The following VPS50 variants were observed in gnomAD, a reference collection of about 807,000 sequenced individuals.
VPS50 encodes the protein VPS50 subunit of EARP/GARPII complex, also known as syndetin.
VPS50 carries 70 observed loss-of-function variants against 139.7 expected under a neutral mutation model. The observed-to-expected ratio is 0.50, with a 90% CI of 0.41 to 0.61. VPS50 has a LOEUF of 0.61. Ranked by LOEUF, VPS50 falls within the 20% of genes least tolerant of loss-of-function variation. The pLI is 0.00. For missense variants in VPS50, 921 were observed against 1,133.7 expected (o/e 0.81, Z 2.69); for synonymous variants, 365 against 376.7 (o/e 0.97, Z 0.36).
At chr7:93,306,034 T>A in intron 18 of VPS50, 30 bp downstream of exon 18, 1 of 1,521,902 alleles carries the variant, frequency 6.6e-7, no homozygotes, top group Middle Eastern at 1.7e-4. Context: ...CATAAGTGAG[T>A]TTTTTTTATT....
At chr7:93,341,033 G>A (rs1227485881) in intron 22 of VPS50, among the ~76,000 whole-genome samples, 3 of 152,178 alleles carry the variant, frequency 2.0e-5, no homozygotes, top group Admixed American at 6.5e-5. Context: ...TTGGGTGTGA[G>A]ATGGTTAATC....
chr7:93,311,155 T>C lies in VPS50; in HGVS notation c.1749-11T>C. The C allele has an allele frequency of 9.7e-7, 1 of 1,031,618 alleles. No homozygotes were observed. The highest frequency in any genetic ancestry group is 1.5e-6 in the Non-Finnish European group (1 of 647,934). 63.9% of individuals were successfully genotyped at this position (1,031,618 alleles called of 1,614,324 possible). On this transcript the variant is annotated splice_polypyrimidine_tract_variant and intron_variant, in intron 19 of 27. Transcript: ENST00000305866. ...AACTCTAGCAACTCTGTTTTGTTTT[T>C]CCATATCAAGTGTTTCTCGGGAAAC...
At chr7:93,270,993 G>A (rs1400519542) in intron 9 of VPS50, 1 of 484,544 alleles carries the variant, frequency 2.1e-6, no homozygotes. Flanking sequence ...TTTATCTGTA[G>A]ATTCTTTCTT....
At chr7:93,300,606 AT>A (rs1445909871) in intron 16 of VPS50, among the ~76,000 whole-genome samples, 1 of 152,148 alleles carries the variant, frequency 6.6e-6, no homozygotes, top group Non-Finnish European at 1.5e-5. Context: ...ATATCACGTT[AT>A]TACTTTAATA....
chr7:93,350,605 C>T (rs1367703291), intron 25 of VPS50, among the ~76,000 whole-genome samples: 5 of 151,768 alleles, frequency 3.3e-5, no homozygotes, highest in Non-Finnish European at 7.4e-5. Flanking sequence ...ACTTATGTGC[C>T]CTCAAGGAAT....
chr7:93,348,008 T>C (rs1798452732), intron 23 of VPS50, among the ~76,000 whole-genome samples: 1 of 151,836 alleles, frequency 6.6e-6, no homozygotes, highest in Non-Finnish European at 1.5e-5. Flanking sequence ...AAAAAAAGAA[T>C]GCTTCCTGAC....
intron 20 of VPS50, among the ~76,000 whole-genome samples, chr7:93,316,963 C>T (rs1016971178): frequency 2.0e-5 from 3 of 152,128 alleles, no homozygotes; most frequent in African/African-American, 2.4e-5. Flanking sequence ...ACTTAGTACA[C>T]ACAAAAACAT....
Position 93,244,284 on chromosome 7 carries a change from T to G in VPS50, c.102+4350T>G, listed in dbSNP as rs142020370. Among the ~76,000 whole-genome samples the G allele has an allele frequency of 1.4e-4, 22 of 152,060 alleles. No homozygotes were observed. The East Asian group carries it at 4.2e-3, about 29-fold the overall frequency. ...GCAGAATGTTTTCTAGAGTTTCTAGTACTTCTGTGAAATCAGATAAACCGA... is the reference window on the plus strand; with the variant it reads ...GCAGAATGTTTTCTAGAGTTTCTAGGACTTCTGTGAAATCAGATAAACCGA... On this transcript the variant is annotated intron_variant, in intron 2 of 27. Coordinates refer to ENST00000305866, the MANE Select transcript of VPS50 (RefSeq NM_017667.4).
chr7:93,248,333 C>T (rs1262145655), intron 2 of VPS50, among the ~76,000 whole-genome samples: 1 of 151,792 alleles, frequency 6.6e-6, no homozygotes, highest in Admixed American at 6.6e-5. Flanking sequence ...TGGGCTCACA[C>T]CTATGTATTG....
rs1798473141 is a variant in VPS50, at chr7:93,348,718, T to A, written c.2215T>A (p.Leu739Met). 3 of 1,610,152 alleles carry A rather than the reference T, an allele frequency of 1.9e-6. No individual in the cohort carries two copies. The African/African-American group carries it at 4.0e-5, about 22-fold the overall frequency. The change falls in exon 24 of 28, where the codon TTG becomes ATG. Residue 739 changes from leucine to methionine, a missense_variant. Transcript: ENST00000305866. ...RVVATESLVF[L>M]AEQFEFLQPH... ...GTTATTTATTCCCTTTAGGGTATTC[T>A]TGGCTGAACAGTTTGAGTTCCTTCA...
At chr7:93,292,922 T>C (rs550938631) in intron 13 of VPS50, among the ~76,000 whole-genome samples, 9 of 152,286 alleles carry the variant, frequency 5.9e-5, no homozygotes, top group African/African-American at 1.9e-4. Context: ...CCAAAACTTA[T>C]ACTTTTACCC....
chr7:93,327,564 A>G (rs985803886), intron 21 of VPS50, among the ~76,000 whole-genome samples: 25 of 152,172 alleles, frequency 1.6e-4, no homozygotes, highest in African/African-American at 5.8e-4. Flanking sequence ...TGAACACACT[A>G]ATCTGATATT....
chr7:93,248,452 TTC>T (rs1795219590), intron 2 of VPS50, among the ~76,000 whole-genome samples: 1 of 152,102 alleles, frequency 6.6e-6, no homozygotes, highest in Non-Finnish European at 1.5e-5. Context: ...ATCTGGTTGC[TTC>T]TGTTTATTTT....
In VPS50 at chr7:93,357,955, A is replaced by T. The variant is rs374416332; in HGVS notation, c.2776-362A>T. Among the ~76,000 whole-genome samples, 213 of 152,262 alleles carry T rather than the reference A, an allele frequency of 1.4e-3. 3 individuals are homozygous for T. Among genetic ancestry groups the T allele is most frequent in the African/African-American group, 4.8e-3 (201 of 41,560 alleles). On this transcript the variant is annotated intron_variant, in intron 27 of 27. Transcript: ENST00000305866. ...GAAAAATACTTCATCAGTAGCATTT[A>T]AAAAATTTGAAATGTCAGTGTATTT...
intron 23 of VPS50, among the ~76,000 whole-genome samples, chr7:93,344,422 C>T (rs866261841): frequency 9.2e-5 from 14 of 152,018 alleles, no homozygotes; most frequent in Admixed American, 3.3e-4. Flanking sequence ...GACAGATCAA[C>T]GAGACAGAAA....
intron 23 of VPS50, among the ~76,000 whole-genome samples, chr7:93,346,813 CA>C (rs1387787779): frequency 1.5e-5 from 2 of 134,696 alleles, no homozygotes; most frequent in East Asian, 2.3e-4. Context: ...ACACCTTATA[CA>C]AAAATCAATT....
chr7:93,357,811 C>T (rs886717008), intron 27 of VPS50, among the ~76,000 whole-genome samples: 7 of 152,108 alleles, frequency 4.6e-5, no homozygotes, highest in African/African-American at 1.7e-4. Flanking sequence ...ATTTTATTTG[C>T]AGCTCCCTGA....
intron 9 of VPS50, among the ~76,000 whole-genome samples, chr7:93,264,444 T>G (rs1386337332): frequency 1.3e-5 from 2 of 152,218 alleles, no homozygotes; most frequent in Admixed American, 1.3e-4. Flanking sequence ...ATTTTAAAAG[T>G]CAAAACTGCT....
chr7:93,236,593 A>G (rs1464819444), intron 1 of VPS50, among the ~76,000 whole-genome samples: 1 of 152,236 alleles, frequency 6.6e-6, no homozygotes, highest in African/African-American at 2.4e-5. Context: ...ACAAAAGAAA[A>G]TCAAATAGTG....
Sources: allele counts gnomAD v4.1 joint callset (sites outside exome capture counted in the v4.1 genomes callset), GRCh38; gene constraint gnomAD v4.1.1; transcripts MANE v1.5; gene names NCBI Gene and HGNC (gene_info 2026-07-23, HGNC 2026-07-21).